EPHA4: variants seen among roughly 807,000 people sequenced by gnomAD.
The protein encoded by EPHA4 is ephrin type-A receptor 4.
A neutral mutation model predicts 108.3 loss-of-function variants in EPHA4; 19 were observed. The observed-to-expected ratio is 0.18, with a 90% CI of 0.12 to 0.26. The LOEUF (loss-of-function observed/expected upper bound fraction) is 0.26, where lower values mean the gene tolerates loss of function less well. EPHA4 is among the 10% of genes least tolerant of loss of function. The pLI is 1.00. For missense variants in EPHA4, 917 were observed against 1,254.0 expected (o/e 0.73, Z 4.06); for synonymous variants, 449 against 455.5 (o/e 0.99, Z 0.18).
intron 11 of EPHA4, among the ~76,000 whole-genome samples, chr2:221,440,810 T>C (rs1574564760): frequency 6.6e-6 from 1 of 152,288 alleles, no homozygotes; most frequent in Middle Eastern, 3.4e-3. Context: ...ATGAGAAAAC[T>C]GAAAGAGAAA....
chr2:221,569,634 G>C (rs1694768439), intron 1 of EPHA4, among the ~76,000 whole-genome samples: 1 of 151,996 alleles, frequency 6.6e-6, no homozygotes, highest in Non-Finnish European at 1.5e-5. Context: ...GGGACGCAAT[G>C]AATTCAAAAC....
intron 8 of EPHA4, among the ~76,000 whole-genome samples, chr2:221,451,769 A>T (rs1690792220): frequency 6.6e-6 from 1 of 152,170 alleles, no homozygotes; most frequent in African/African-American, 2.4e-5. Flanking sequence ...AAAAATATAC[A>T]ATATAGCTAA....
At chr2:221,553,958 G>A (rs1030192618) in intron 3 of EPHA4, among the ~76,000 whole-genome samples, 15 of 152,242 alleles carry the variant, frequency 9.9e-5, no homozygotes, top group East Asian at 1.9e-4. Context: ...ATCTGTAAAC[G>A]GAAGGGAAAT....
intron 3 of EPHA4, among the ~76,000 whole-genome samples, chr2:221,526,205 G>A (rs536525150): frequency 1.3e-5 from 2 of 151,518 alleles, no homozygotes; most frequent in Non-Finnish European, 2.9e-5. Flanking sequence ...GACAGTGTCA[G>A]GATTTGAAGC....
intron 3 of EPHA4, among the ~76,000 whole-genome samples, chr2:221,545,548 C>T (rs1441124826): frequency 1.3e-5 from 2 of 152,198 alleles, no homozygotes; most frequent in Non-Finnish European, 2.9e-5. Context: ...TTTATATATT[C>T]TACTTTCAGC....
rs16862689 is a variant in EPHA4 at position 221,453,452 on chromosome 2, T to G, written c.1715+2095A>C. On this transcript the variant is annotated intron_variant, in intron 8 of 17. Transcript: ENST00000281821. ...GTTCCCGGTGGTTATATGCACAGCA[T>G]GCGTACATATACAAAACTAAATGGC... Among the ~76,000 whole-genome samples the G allele has an allele frequency of 4.5e-3, 690 of 152,256 alleles. 3 individuals are homozygous for G. Among genetic ancestry groups the G allele is most frequent in the African/African-American group, 0.015 (644 of 41,550 alleles).
upstream of EPHA4, chr2:221,572,386 C>T: frequency 3.0e-6 from 2 of 677,010 alleles, no homozygotes; most frequent in Non-Finnish European, 4.9e-6. Context: ...CCGGGGCCCG[C>T]GGCCAATGGC....
chr2:221,470,809 C>A (rs972944), intron 5 of EPHA4, among the ~76,000 whole-genome samples: 1 of 151,914 alleles, frequency 6.6e-6, no homozygotes, highest in East Asian at 1.9e-4. Context: ...CCACATGCTA[C>A]GCTCTCTGAA....
At chr2:221,515,535 C>T (rs952301341) in intron 3 of EPHA4, among the ~76,000 whole-genome samples, 2 of 152,238 alleles carry the variant, frequency 1.3e-5, no homozygotes, top group Admixed American at 6.5e-5. Flanking sequence ...ACATCACACA[C>T]GGTGGGTGGC....
chr2:221,557,686 C>T (rs943913118), intron 3 of EPHA4, among the ~76,000 whole-genome samples: 13 of 137,002 alleles, frequency 9.5e-5, no homozygotes, highest in Non-Finnish European at 1.9e-4. Flanking sequence ...TTCATAAACA[C>T]GATTTAAAAA....
intron 3 of EPHA4, among the ~76,000 whole-genome samples, chr2:221,560,445 A>C (rs17299486): frequency 0.14 from 20,783 of 152,192 alleles, 1,714 homozygotes; most frequent in Non-Finnish European, 0.18. Flanking sequence ...CATACTCCAT[A>C]TAATATTTTC....
chr2:221,507,239 A>C (rs141098170), intron 3 of EPHA4, among the ~76,000 whole-genome samples: 1 of 152,344 alleles, frequency 6.6e-6, no homozygotes, highest in African/African-American at 2.4e-5. Context: ...TTGAATGACA[A>C]AGCATAATAA....
intron 17 of EPHA4, among the ~76,000 whole-genome samples, chr2:221,424,300 A>G (rs1689835072): frequency 6.6e-6 from 1 of 152,128 alleles, no homozygotes; most frequent in Non-Finnish European, 1.5e-5. Context: ...TTCTGAACAG[A>G]AAAGCTTTTA....
intron 3 of EPHA4, among the ~76,000 whole-genome samples, chr2:221,557,242 C>G (rs190328702): frequency 3.3e-4 from 50 of 152,288 alleles, no homozygotes; most frequent in African/African-American, 9.6e-4. Context: ...ACCATCGCTT[C>G]ACTCTTCCCT....
intron 3 of EPHA4, among the ~76,000 whole-genome samples, chr2:221,504,252 A>T (rs1425795420): frequency 6.6e-6 from 1 of 152,198 alleles, no homozygotes; most frequent in East Asian, 1.9e-4. Context: ...CATGGAGAAA[A>T]GATTAGTTCA....
At chr2:221,567,706 G>C (rs766264131) in intron 2 of EPHA4, among the ~76,000 whole-genome samples, 10 of 152,210 alleles carry the variant, frequency 6.6e-5, no homozygotes, top group Non-Finnish European at 1.3e-4. Flanking sequence ...CTTGATAGCA[G>C]ACTCTATGAA....
intron 3 of EPHA4, among the ~76,000 whole-genome samples, chr2:221,550,438 A>T (rs1694123389): frequency 6.6e-6 from 1 of 151,878 alleles, no homozygotes; most frequent in South Asian, 2.1e-4. Context: ...AGAGAGAGAG[A>T]GAGAGAGAGA....
intron 3 of EPHA4, among the ~76,000 whole-genome samples, chr2:221,554,931 T>G (rs1320711255): frequency 6.6e-6 from 1 of 152,176 alleles, no homozygotes; most frequent in African/African-American, 2.4e-5. Context: ...CTTTACAATT[T>G]TTTAAAGCCC....
intron 7 of EPHA4, 44 bp from the exon 8 acceptor site, chr2:221,455,702 A>C (rs1391581482): frequency 1.4e-6 from 2 of 1,465,448 alleles, no homozygotes; most frequent in South Asian, 2.3e-5. Context: ...GGAAAGTCTT[A>C]GGAGGTAGAA....
Sources: allele counts gnomAD v4.1 joint callset (sites outside exome capture counted in the v4.1 genomes callset), GRCh38; gene constraint gnomAD v4.1.1; transcripts MANE v1.5; gene names NCBI Gene and HGNC (gene_info 2026-07-23, HGNC 2026-07-21).